The following CADM1 variants were observed in gnomAD, a reference collection of about 807,000 sequenced individuals.
CADM1 encodes cell adhesion molecule 1, also known as TSLC-1.
Under a neutral mutation model 53.1 loss-of-function variants are expected in CADM1, and 15 were observed. The observed-to-expected ratio is 0.28, with a 90% confidence interval of 0.19 to 0.44. The LOEUF (loss-of-function observed/expected upper bound fraction) is 0.44, where lower values mean the gene tolerates loss of function less well. CADM1 is among the 20% of genes least tolerant of loss of function. The pLI is 1.00. For synonymous variants in CADM1, 281 were observed against 243.0 expected, an observed-to-expected ratio of 1.16 and a Z score of -1.45; for missense variants, 434 against 611.3, an observed-to-expected ratio of 0.71 and a Z score of 3.06.
In CADM1 at chr11:115,370,059, G is replaced by A. The variant is rs376738553; in HGVS notation, c.125-129639C>T. On this transcript the variant is annotated intron_variant, in intron 1 of 11. Coordinates refer to ENST00000331581, the MANE Select transcript of CADM1 (RefSeq NM_001301043.2). ...CTCCTTCAAGTTGCTCCTGATTCAA[G>A]CTGATAATTTTGCTCTCTTTAATCC... Among the ~76,000 whole-genome samples, 9 of 152,276 alleles carry A rather than the reference G, an allele frequency of 5.9e-5. No homozygotes were observed. In the East Asian group the frequency reaches 1.5e-3, roughly 26 times the overall value.
intron 9 of CADM1, among the ~76,000 whole-genome samples, chr11:115,197,446 A>AAACT (rs78682143): frequency 1 from 151,629 of 152,300 alleles, 75,480 homozygotes; most frequent in East Asian, 1. Flanking sequence ...GCCCAGTTTT[A>AAACT]AACATATCTT....
At chr11:115,286,231 A>T (rs979559731) in intron 1 of CADM1, among the ~76,000 whole-genome samples, 1 of 152,194 alleles carries the variant, frequency 6.6e-6, no homozygotes, top group Non-Finnish European at 1.5e-5. Context: ...AACCGCAGCA[A>T]ATCTGTAGCA....
chr11:115,297,307 G>T (rs1794483642), intron 1 of CADM1, among the ~76,000 whole-genome samples: 2 of 152,166 alleles, frequency 1.3e-5, no homozygotes, highest in Admixed American at 6.5e-5. Context: ...CCTGGATGAT[G>T]CAATTAAAAG....
chr11:115,250,622 C>A (rs1942572048), intron 1 of CADM1, among the ~76,000 whole-genome samples: 2 of 152,218 alleles, frequency 1.3e-5, no homozygotes, highest in Non-Finnish European at 2.9e-5. Context: ...AAAACTCTCA[C>A]TGCTATCTGG....
intron 1 of CADM1, among the ~76,000 whole-genome samples, chr11:115,413,803 C>T (rs776714185): frequency 1.8e-4 from 27 of 151,936 alleles, no homozygotes; most frequent in Non-Finnish European, 4.4e-5. Flanking sequence ...CGCCACCATG[C>T]CCAGCTAATT....
At chr11:115,404,362 T>A (rs1360982407) in intron 1 of CADM1, among the ~76,000 whole-genome samples, 788 of 32,578 alleles carry the variant, frequency 0.024, 89 homozygotes, top group Admixed American at 0.057. Flanking sequence ...TATATATATA[T>A]ATATATATAT....
At chr11:115,407,997 T>A (rs572799353) in intron 1 of CADM1, among the ~76,000 whole-genome samples, 12 of 149,622 alleles carry the variant, frequency 8.0e-5, no homozygotes, top group Admixed American at 5.4e-4. Flanking sequence ...TCCTAAAAAG[T>A]CTTCTTGCTC....
chr11:115,435,230 A>G (rs1241374459), intron 1 of CADM1, among the ~76,000 whole-genome samples: 5 of 152,130 alleles, frequency 3.3e-5, no homozygotes, highest in Admixed American at 2.0e-4. Context: ...GATATGGTAA[A>G]GCTTCCAATT....
At chr11:115,439,227 A>G (rs1011221977) in intron 1 of CADM1, among the ~76,000 whole-genome samples, 1 of 152,216 alleles carries the variant, frequency 6.6e-6, no homozygotes, top group Non-Finnish European at 1.5e-5. Flanking sequence ...CCCAAAATGT[A>G]AAAGGGTAAG....
chr11:115,232,797 C>G (rs1487560078), intron 3 of CADM1, among the ~76,000 whole-genome samples: 1 of 152,046 alleles, frequency 6.6e-6, no homozygotes, highest in Non-Finnish European at 1.5e-5. Context: ...TACAGTGAAT[C>G]TAAGAATATA....
In CADM1 at chr11:115,175,329, A is replaced by C; in HGVS notation, c.*1145T>G. 1.0e-6 allele frequency: 1 copy of C among 984,328 alleles called. No individual in the cohort carries two copies. Among genetic ancestry groups the C allele is most frequent in the Non-Finnish European group, 1.2e-6 (1 of 829,288 alleles). The allele number at this position is 984,328 out of a possible 1,614,324, so 61.0% of individuals were successfully genotyped here. A position where few individuals can be genotyped will look rare whatever the true frequency, so the allele number is the denominator to read the frequency against. On this transcript the variant is annotated 3_prime_UTR_variant, in exon 12 of 12. Coordinates refer to ENST00000331581, the MANE Select transcript of CADM1 (RefSeq NM_001301043.2). ...AGCATGACAAATATCTGTAATATAC[A>C]GTACATGCAGGCCACATCCTACTGC...
At chr11:115,229,321 C>T (rs771110988) in intron 4 of CADM1, 50 bp from the exon 5 acceptor site, 44 of 1,594,538 alleles carry the variant, frequency 2.8e-5, no homozygotes, top group Non-Finnish European at 3.6e-5. Flanking sequence ...GAATTTCCAT[C>T]AGTTTGTTTT....
At position 115,170,449 on chromosome 11, in the gene CADM1, AAAAT is replaced by A. The variant is rs1355446510; in HGVS notation, c.*6021_*6024del. 6.6e-6 allele frequency: 1 copy of A among 152,178 alleles called. No homozygotes were observed. The highest frequency in any genetic ancestry group is 6.5e-5 in the Admixed American group (1 of 15,276). The allele number at this position is 152,178 out of a possible 1,614,324, so 9.4% of individuals were successfully genotyped here. On this transcript the variant is annotated 3_prime_UTR_variant, in exon 12 of 12. Transcript: ENST00000331581. ...CATTTTATGTTTTTTGGGAATGAAA[AAAAT>A]AAATAAAAACATAAAAATGAAACAA...
At chr11:115,412,929 C>T (rs767058487) in intron 1 of CADM1, among the ~76,000 whole-genome samples, 1 of 152,198 alleles carries the variant, frequency 6.6e-6, no homozygotes, top group Non-Finnish European at 1.5e-5. Flanking sequence ...GTTCATCTGT[C>T]ACCATCACTC....
intron 1 of CADM1, among the ~76,000 whole-genome samples, chr11:115,436,640 A>C (rs1367200519): frequency 6.6e-6 from 1 of 152,206 alleles, no homozygotes; most frequent in African/African-American, 2.4e-5. Flanking sequence ...CAATTTATGC[A>C]CTTAGCTATC....
intron 1 of CADM1, among the ~76,000 whole-genome samples, chr11:115,315,423 A>C (rs1245238695): frequency 6.6e-6 from 1 of 152,198 alleles, no homozygotes; most frequent in Non-Finnish European, 1.5e-5. Context: ...AATGTATAAA[A>C]ATGAGATTCC....
chr11:115,302,176 C>A (rs534846840), intron 1 of CADM1, among the ~76,000 whole-genome samples: 1 of 151,668 alleles, frequency 6.6e-6, no homozygotes, highest in Non-Finnish European at 1.5e-5. Context: ...AAGGAGGGAG[C>A]GTATCAGGAA....
At position 115,504,350 on chromosome 11, in the gene CADM1, T is replaced by TGCCGCC; in HGVS notation, c.39_44dup (p.Ala19_Ala20dup). ...GCCCGGGAGGCGCCGCCGCCGCCGC[T>TGCCGCC]GCCGCCGCACACTGGGATCCGCTCG... On this transcript the variant is annotated inframe_insertion, in exon 1 of 12. Transcript: ENST00000331581. 2 of 1,548,730 alleles carry TGCCGCC rather than the reference T, an allele frequency of 1.3e-6. No homozygotes were observed. Among genetic ancestry groups the TGCCGCC allele is most frequent in the Non-Finnish European group, 1.7e-6 (2 of 1,146,286 alleles).
chr11:115,238,705 A>C (rs1942099299), intron 2 of CADM1, 53 bp from the exon 3 acceptor site: 1 of 1,564,126 alleles, frequency 6.4e-7, no homozygotes, highest in East Asian at 2.2e-5. Flanking sequence ...CGGACAGTCT[A>C]TTTTCCTTAA....
Sources: gnomAD v4.1 joint callset for allele counts (sites outside exome capture counted in the v4.1 genomes callset) on GRCh38, gnomAD v4.1.1 for gene constraint, MANE v1.5 for transcripts, NCBI Gene and HGNC (gene_info 2026-07-23, HGNC 2026-07-21) for gene names.